The following COL12A1 variants were observed in gnomAD, a reference collection of about 807,000 sequenced individuals.
COL12A1 encodes the protein collagen alpha-1(XII) chain.
COL12A1 carries 114 observed loss-of-function variants against 349.7 expected under a neutral mutation model. The observed-to-expected ratio is 0.33, with a 90% CI of 0.28 to 0.38. The LOEUF (loss-of-function observed/expected upper bound fraction) is 0.38, where lower values mean the gene tolerates loss of function less well. Ranked by LOEUF, COL12A1 falls within the 10% of genes least tolerant of loss-of-function variation. COL12A1 has a pLI of 1.00. For synonymous variants in COL12A1, 1,369 were observed against 1,329.0 expected (o/e 1.03, Z -0.66); for missense variants, 3,284 against 3,756.9 (o/e 0.87, Z 3.29).
chr6:75,121,442 C>G lies in COL12A1; in HGVS notation c.6947-1G>C. The G allele has an allele frequency of 6.5e-7, 1 of 1,542,878 alleles. No individual in the cohort carries two copies. The highest frequency in any genetic ancestry group is 8.8e-7 in the Non-Finnish European group (1 of 1,137,874). On this transcript the variant is annotated splice_acceptor_variant, in intron 43 of 65. Coordinates refer to ENST00000322507, the MANE Select transcript of COL12A1 (RefSeq NM_004370.6). LOFTEE classifies it high-confidence loss of function. The stretch of plus-strand genomic sequence containing the variant: ...ATATCTGCCTTGGCCCCTTTGCATA[C>G]TGCAAAAAAAGAAAGCAGAGGAAGC...
chr6:75,086,544 G>C lies in COL12A1; in HGVS notation c.*3C>G. The C allele has an allele frequency of 6.2e-7, 1 of 1,606,826 alleles. No individual in the cohort carries two copies. Among genetic ancestry groups the C allele is most frequent in the Non-Finnish European group, 8.5e-7 (1 of 1,175,812 alleles). Reference sequence around the variant, plus strand: ...AAGCAGCACTGGCGACTTAGAAAATGTGTTAGCCGGAACCTGAAACAGGTC... The same window carrying C: ...AAGCAGCACTGGCGACTTAGAAAATCTGTTAGCCGGAACCTGAAACAGGTC... On this transcript the variant is annotated 3_prime_UTR_variant, in exon 66 of 66. Transcript: ENST00000322507.
At chr6:75,161,378 G>A (rs1289519988) in intron 14 of COL12A1, among the ~76,000 whole-genome samples, 2 of 151,990 alleles carry the variant, frequency 1.3e-5, no homozygotes, top group Admixed American at 6.6e-5. Context: ...ATTATTTATT[G>A]TTGTATTGTT....
chr6:75,124,403 T>G (rs890516451), intron 40 of COL12A1, 32 bp from the exon 41 acceptor site: 3 of 1,503,204 alleles, frequency 2.0e-6, no homozygotes, highest in Non-Finnish European at 2.7e-6. Context: ...AGATTTACTT[T>G]GTAAATTGAG....
Position 75,189,691 on chromosome 6 carries a change from C to G in COL12A1, c.519G>C (p.Gly173=). Residue 173 remains glycine, a synonymous_variant, in exon 6 of 66, where the codon GGG becomes GGC. Transcript: ENST00000322507. ...CAACTCCAACTCTTGTCTTCTCTTC[C>G]CCAATGTCAAAAGCAGACACAAGAG... The part of the protein sequence containing the change: ...IAALVSAFDI[G]EEKTRVGVVQ... 1 of 1,613,326 alleles carries G rather than the reference C, an allele frequency of 6.2e-7. No individual in the cohort carries two copies. The highest frequency in any genetic ancestry group is 1.1e-5 in the South Asian group (1 of 91,064).
chr6:75,102,838 T>A, intron 55 of COL12A1, 146 bp from the exon 56 acceptor site: 1 of 439,258 alleles, frequency 2.3e-6, no homozygotes, highest in Admixed American at 4.4e-5. Context: ...ATGAATATAT[T>A]CATTAATGTA....
intron 2 of COL12A1, among the ~76,000 whole-genome samples, chr6:75,200,401 C>T (rs482737): frequency 4.6e-5 from 7 of 152,006 alleles, no homozygotes; most frequent in African/African-American, 7.3e-5. Flanking sequence ...GGTGAAACCC[C>T]GTCTCTACTA....
Position 75,152,402 on chromosome 6 carries a change from T to C in COL12A1, c.3646A>G (p.Arg1216Gly). 4.3e-6 allele frequency: 7 copies of C among 1,613,544 alleles called. No homozygotes were observed. The highest frequency in any genetic ancestry group is 1.3e-5 in the African/African-American group (1 of 75,016). The change falls in exon 18 of 66, where the codon AGA (arginine) becomes GGA (glycine). Residue 1216 changes from arginine to glycine, a missense_variant. Around this residue, in one of 2 missense-constraint regions of COL12A1, gnomAD observed 2,601 missense variants for 2,824.8 expected, o/e 0.92. Transcript: ENST00000322507. ...CGAGAAATGAAACTCCTCACGGTTC[T>C]AAAATTTGCCCGGCCGATGCTCCAT... ...GSWSIGRANF[R>G]TVRSFISRIV...
intron 13 of COL12A1, among the ~76,000 whole-genome samples, chr6:75,165,997 C>T (rs1178250752): frequency 1.3e-5 from 2 of 152,022 alleles, no homozygotes. Flanking sequence ...TACCTCTTAA[C>T]TTTGCCCTCA....
At chr6:75,181,516 T>C (rs1769291095) in intron 10 of COL12A1, among the ~76,000 whole-genome samples, 1 of 152,240 alleles carries the variant, frequency 6.6e-6, no homozygotes, top group South Asian at 2.1e-4. Flanking sequence ...TAGAATGGCC[T>C]TGCCCATAAT....
Position 75,148,511 on chromosome 6 carries a change from T to C in COL12A1, c.4148-14A>G. On this transcript the variant is annotated splice_polypyrimidine_tract_variant and intron_variant, in intron 21 of 65. Transcript: ENST00000322507. ...CTTCCAAATCACCTACACATGGAAA[T>C]AAAGGGTATACACTTTTCTCATTAT... 6.2e-7 allele frequency: 1 copy of C among 1,608,770 alleles called. No individual in the cohort carries two copies. Among genetic ancestry groups the C allele is most frequent in the Non-Finnish European group, 8.5e-7 (1 of 1,176,478 alleles).
rs1436778165 is a variant in COL12A1, at chr6:75,152,398, G to T, written c.3650C>A (p.Thr1217Asn). ...SWSIGRANFR[T>N]VRSFISRIVE... ...AATACGAGAAATGAAACTCCTCACG[G>T]TTCTAAAATTTGCCCGGCCGATGCT... Residue 1217 changes from threonine (T) to asparagine (N), a missense_variant, in exon 18 of 66, where the codon ACC (threonine) becomes AAC (asparagine). Coordinates refer to ENST00000322507, the MANE Select transcript of COL12A1 (RefSeq NM_004370.6). 2.5e-6 allele frequency: 4 copies of T among 1,613,604 alleles called. No homozygotes were observed. Among genetic ancestry groups the T allele is most frequent in the African/African-American group, 1.3e-5 (1 of 74,986 alleles).
chr6:75,201,881 C>T (rs1224295821), intron 2 of COL12A1, among the ~76,000 whole-genome samples: 1 of 152,198 alleles, frequency 6.6e-6, no homozygotes, highest in African/African-American at 2.4e-5. Flanking sequence ...GTTTTGGAAA[C>T]CCATCTCGGA....
intron 22 of COL12A1, 147 bp downstream of exon 22, chr6:75,148,211 A>T (rs1346600737): frequency 3.3e-5 from 22 of 658,298 alleles, no homozygotes; most frequent in Non-Finnish European, 3.1e-5. Context: ...TGCCTAGCAA[A>T]GTCAAGAATA....
Position 75,128,410 on chromosome 6 carries a change from T to C in COL12A1, c.6226A>G (p.Arg2076Gly). The C allele has an allele frequency of 6.2e-7, 1 of 1,601,092 alleles. No homozygotes were observed. The highest frequency in any genetic ancestry group is 8.5e-7 in the Non-Finnish European group (1 of 1,174,502). ...PIDEYTTVPG[R>G]RNNVILQPLQ... is the part of the protein sequence containing the mutation. The stretch of plus-strand genomic sequence containing the variant: ...GGCTGCAGTATTACATTGTTTCTTC[T>C]GCCTGGGACTGTGGTCTATAGAGGA... Residue 2076 changes from arginine to glycine, a missense_variant, in exon 38 of 66, where the codon AGA becomes GGA. Around this residue, in one of 2 missense-constraint regions of COL12A1, gnomAD observed 2,601 missense variants for 2,824.8 expected, o/e 0.92. Transcript: ENST00000322507.
At chr6:75,096,417 C>G (rs1768028418) in intron 59 of COL12A1, among the ~76,000 whole-genome samples, 2 of 152,168 alleles carry the variant, frequency 1.3e-5, no homozygotes, top group African/African-American at 4.8e-5. Context: ...AACAATTTTA[C>G]TGCGATCTCA....
intron 60 of COL12A1, among the ~76,000 whole-genome samples, chr6:75,092,283 G>A (rs1198082283): frequency 5.3e-5 from 8 of 152,040 alleles, no homozygotes; most frequent in Middle Eastern, 3.4e-3. Flanking sequence ...ACCATAGCAC[G>A]TGTATACCTA....
intron 2 of COL12A1, 82 bp downstream of exon 2, chr6:75,202,638 A>T (rs1770589493): frequency 2.2e-6 from 3 of 1,348,638 alleles, no homozygotes; most frequent in Non-Finnish European, 3.1e-6. Context: ...AAACAGAGCA[A>T]GCAATAGAAG....
intron 11 of COL12A1, 71 bp downstream of exon 11, chr6:75,180,868 T>A: frequency 6.5e-7 from 1 of 1,534,096 alleles, no homozygotes; most frequent in Non-Finnish European, 8.8e-7. Flanking sequence ...AGATGGTTAT[T>A]ACAAACTGTA....
At position 75,115,774 on chromosome 6, in the gene COL12A1, T is replaced by A; in HGVS notation, c.7697+10A>T. ...TTAAGAAAAGGAAAACCTCCTGTTG[T>A]CACACTTACGCTGTAGGCTGATTCA... On this transcript the variant is annotated intron_variant, in intron 49 of 65. Transcript: ENST00000322507. 6.3e-7 allele frequency: 1 copy of A among 1,584,570 alleles called. No homozygotes were observed. The highest frequency in any genetic ancestry group is 8.5e-7 in the Non-Finnish European group (1 of 1,169,636).
Sources: allele counts gnomAD v4.1 joint callset (sites outside exome capture counted in the v4.1 genomes callset), GRCh38; gene constraint gnomAD v4.1.1; regional missense constraint gnomAD v4.1.1; transcripts MANE v1.5; gene names NCBI Gene and HGNC (gene_info 2026-07-23, HGNC 2026-07-21).